Variants in GSDMC observed in about 807,000 individuals in gnomAD.
GSDMC encodes gasdermin-C.
GSDMC carries 59 observed loss-of-function variants against 58.0 expected under a neutral mutation model. The observed-to-expected ratio is 1.02, with a 90% CI of 0.82 to 1.26. The LOEUF is 1.26. Among genes scored for constraint, GSDMC ranks in the 50% most tolerant of loss-of-function variants. GSDMC has a pLI of 0.00. For missense variants in GSDMC, 659 were observed against 598.5 expected (o/e 1.10, Z -1.06); for synonymous variants, 241 against 220.2 (o/e 1.09, Z -0.83).
In GSDMC at chr8:129,750,551, C is replaced by G. The variant is rs751281101; in HGVS notation, c.963G>C (p.Glu321Asp). 2.5e-6 allele frequency: 4 copies of G among 1,613,942 alleles called. No homozygotes were observed. Among genetic ancestry groups the G allele is most frequent in the Non-Finnish European group, 2.5e-6 (3 of 1,179,956 alleles). ...PFWQNFKHLQ[E>D]EVFQKIKTLA... ...GTGTCTTTATTTTCTGGAAAACCTC[C>G]TCTTGTAGATGCTTGAAATCTGCTC... Residue 321 changes from glutamate to aspartate, a missense_variant, in exon 11 of 14, where the codon GAG becomes GAC. Glu to Asp is a conservative substitution (Grantham distance 45). Coordinates refer to ENST00000276708, the MANE Select transcript of GSDMC (RefSeq NM_031415.3).
the GSDMC span, among the ~76,000 whole-genome samples, chr8:129,741,941 TGAAATA>T: frequency 1.4e-5 from 2 of 147,018 alleles, no homozygotes; most frequent in East Asian, 2.0e-4. Context: ...TATATATACA[TGAAATA>T]ATATTCAGCC....
At chr8:129,749,041 T>A (rs373324280) in intron 13 of GSDMC, among the ~76,000 whole-genome samples, 1 of 152,194 alleles carries the variant, frequency 6.6e-6, no homozygotes, top group Non-Finnish European at 1.5e-5. Flanking sequence ...CATATAAAGG[T>A]ATGTATTTAT....
At chr8:129,725,150 T>C in the GSDMC span, among the ~76,000 whole-genome samples, 4 of 152,188 alleles carry the variant, frequency 2.6e-5, no homozygotes, top group Non-Finnish European at 5.9e-5. Flanking sequence ...ACACATGCCC[T>C]CTCTCCATCA....
chr8:129,714,138 C>T, the GSDMC span, among the ~76,000 whole-genome samples: 5 of 152,122 alleles, frequency 3.3e-5, no homozygotes, highest in Admixed American at 6.5e-5. Flanking sequence ...TCTCACAACC[C>T]TTCCATTTTA....
chr8:129,731,796 A>G, the GSDMC span, among the ~76,000 whole-genome samples: 1,652 of 152,326 alleles, frequency 0.011, 24 homozygotes, highest in African/African-American at 0.038. Flanking sequence ...CTGGAAAGTC[A>G]GAGCAAAAGT....
At chr8:129,743,995 G>A (rs1333764537), downstream of GSDMC, among the ~76,000 whole-genome samples, 3 of 152,020 alleles carry the variant, frequency 2.0e-5, no homozygotes, top group Non-Finnish European at 4.4e-5. Context: ...ACATGCACAA[G>A]TTAAGTATTT....
chr8:129,772,447 A>G (rs1293225396), intron 3 of GSDMC, among the ~76,000 whole-genome samples: 2 of 152,128 alleles, frequency 1.3e-5, no homozygotes, highest in Admixed American at 6.5e-5. Flanking sequence ...GAGACATTAC[A>G]AATGATGCCA....
chr8:129,778,917 T>C (rs1002280127), intron 1 of GSDMC, among the ~76,000 whole-genome samples: 2 of 152,014 alleles, frequency 1.3e-5, no homozygotes, highest in Non-Finnish European at 2.9e-5. Context: ...AGATATCATC[T>C]CACACAAGTC....
chr8:129,768,047 C>T lies in GSDMC; in HGVS notation c.405-2254G>A, dbSNP rs2033926862. ...AGTAGCCCCGCCTGAATGCAGAGCC[C>T]AGCCAACAGCTCATCCTGATCATAG... On this transcript the variant is annotated intron_variant, in intron 3 of 13. Transcript: ENST00000276708. Among the ~76,000 whole-genome samples, 6 of 152,234 alleles carry T rather than the reference C, an allele frequency of 3.9e-5. No homozygotes were observed. In the South Asian group the frequency reaches 1.2e-3, roughly 32 times the overall value.
the GSDMC span, among the ~76,000 whole-genome samples, chr8:129,712,828 C>A: frequency 3.3e-5 from 5 of 152,166 alleles, no homozygotes; most frequent in African/African-American, 1.2e-4. Flanking sequence ...AACTCTCCTG[C>A]CTTGGGGCAG....
At chr8:129,746,749 T>C (rs144313366), downstream of GSDMC, among the ~76,000 whole-genome samples, 222 of 152,278 alleles carry the variant, frequency 1.5e-3, 1 homozygote, top group African/African-American at 5.1e-3. Context: ...ACGGGAGACC[T>C]TTGCATGGCT....
At chr8:129,782,855 T>C (rs1348001990) in intron 1 of GSDMC, among the ~76,000 whole-genome samples, 1 of 151,836 alleles carries the variant, frequency 6.6e-6, no homozygotes, top group Non-Finnish European at 1.5e-5. Context: ...CCAAACTCAT[T>C]CTATGAGGCC....
intron 3 of GSDMC, among the ~76,000 whole-genome samples, chr8:129,766,368 T>C (rs759282823): frequency 2.6e-5 from 4 of 152,150 alleles, no homozygotes; most frequent in African/African-American, 4.8e-5. Context: ...GTACTGAAGG[T>C]AGATTTCATT....
chr8:129,718,375 A>G, the GSDMC span, among the ~76,000 whole-genome samples: 1 of 152,250 alleles, frequency 6.6e-6, no homozygotes, highest in Admixed American at 6.5e-5. Flanking sequence ...ATATGAACAG[A>G]CACTTCTCAA....
In GSDMC at chr8:129,763,730, C is replaced by T. The variant is rs536199144; in HGVS notation, c.571-999G>A. ...TAGCTGGAACTACAGGTATGCACCA[C>T]CGCACCTGGCTAATTTTTTGTTTAT... On this transcript the variant is annotated intron_variant, in intron 4 of 13. Coordinates refer to ENST00000276708, the MANE Select transcript of GSDMC (RefSeq NM_031415.3). Among the ~76,000 whole-genome samples, 4 of 152,226 alleles carry T rather than the reference C, an allele frequency of 2.6e-5. No homozygotes were observed. In the East Asian group the frequency reaches 5.8e-4, roughly 22 times the overall value.
intron 3 of GSDMC, among the ~76,000 whole-genome samples, chr8:129,769,084 A>AAGGAGAGGAGAGGAG (rs59634816): frequency 0.033 from 4,762 of 145,388 alleles, 99 homozygotes; most frequent in Non-Finnish European, 0.039. Context: ...TCACAAAGGA[A>AAGGAGAGGAGAGGAG]AGGAGAGGAG....
At chr8:129,711,803 C>T in the GSDMC span, among the ~76,000 whole-genome samples, 1 of 152,202 alleles carries the variant, frequency 6.6e-6, no homozygotes, top group Non-Finnish European at 1.5e-5. Flanking sequence ...TTGAAGTGAT[C>T]ATTAGTTAAC....
chr8:129,780,001 A>C (rs781260780), intron 1 of GSDMC, among the ~76,000 whole-genome samples: 8 of 152,206 alleles, frequency 5.3e-5, no homozygotes, highest in Non-Finnish European at 1.0e-4. Context: ...ATGCATCAGC[A>C]TCTCTTAATA....
chr8:129,777,305 C>T, intron 2 of GSDMC, 63 bp downstream of exon 2: 1 of 985,782 alleles, frequency 1.0e-6, no homozygotes, highest in Non-Finnish European at 1.6e-6. Context: ...GGATGGTGGG[C>T]CATCTTTTTC....
Sources: gnomAD v4.1 joint callset for allele counts (sites outside exome capture counted in the v4.1 genomes callset) on GRCh38, gnomAD v4.1.1 for gene constraint, MANE v1.5 for transcripts, NCBI Gene and HGNC (gene_info 2026-07-23, HGNC 2026-07-21) for gene names.